The following TMC1 variants were observed in gnomAD, a reference collection of about 807,000 sequenced individuals.
The protein encoded by TMC1 is transmembrane channel-like protein 1.
Under a neutral mutation model 105.8 loss-of-function variants are expected in TMC1, and 84 were observed. That is an observed-to-expected ratio of 0.79 (90% CI 0.67 to 0.95). The LOEUF (loss-of-function observed/expected upper bound fraction) is 0.95. Ranked by LOEUF, TMC1 falls within the 40% of genes least tolerant of loss-of-function variation. TMC1 has a pLI of 0.00. For missense variants in TMC1, 817 were observed against 914.1 expected (o/e 0.89, Z 1.37); for synonymous variants, 315 against 311.5 (o/e 1.01, Z -0.12).
intron 5 of TMC1, among the ~76,000 whole-genome samples, chr9:72,650,899 TATAAATATATATAG>T (rs1434107684): frequency 5.6e-4 from 80 of 142,914 alleles, no homozygotes; most frequent in Non-Finnish European, 1.1e-3. Flanking sequence ...TAGATATATA[TATAAATATATATAG>T]ATATATATAT....
chr9:72,831,890 A>G (rs1564584691), intron 23 of TMC1, among the ~76,000 whole-genome samples: 1 of 152,088 alleles, frequency 6.6e-6, no homozygotes, highest in African/African-American at 2.4e-5. Flanking sequence ...TAGTGCCGCA[A>G]TAAACATACG....
rs1481066869 is a variant in TMC1 at position 72,792,229 on chromosome 9, T to G, written c.1443T>G (p.Leu481=). 2 of 1,614,146 alleles carry G rather than the reference T, an allele frequency of 1.2e-6. No homozygotes were observed. The highest frequency in any genetic ancestry group is 3.3e-5 in the Admixed American group (2 of 60,024). The change falls in exon 17 of 24, where the codon CTT becomes CTG. Residue 481 remains leucine, a synonymous_variant. Transcript: ENST00000297784. ...EEKLVKANIT[L]WEANMIKAYN... Reference sequence around the variant, plus strand: ...AGCTAGTAAAGGCCAATATTACCCTTTGGGAAGCCAATATGATCAAGGCCT... The same window carrying G: ...AGCTAGTAAAGGCCAATATTACCCTGTGGGAAGCCAATATGATCAAGGCCT...
In TMC1 at chr9:72,527,135, C is replaced by CT. The variant is rs1421604306; in HGVS notation, c.-428+5223dup. On this transcript the variant is annotated intron_variant, in intron 1 of 23. Transcript: ENST00000297784. Reference sequence around the variant, plus strand: ...TGGAAGAAGGCTAGCCTTGAGCCCTCTAAAAGGCAGGGCTCAGGGCAAAGC... The same window carrying CT: ...TGGAAGAAGGCTAGCCTTGAGCCCTCTTAAAAGGCAGGGCTCAGGGCAAAGC... Among the ~76,000 whole-genome samples the CT allele has an allele frequency of 2.0e-5, 3 of 152,306 alleles. No homozygotes were observed. The South Asian group carries it at 6.2e-4, about 32-fold the overall frequency.
At chr9:72,566,610 C>G (rs1824158909) in intron 1 of TMC1, among the ~76,000 whole-genome samples, 1 of 152,164 alleles carries the variant, frequency 6.6e-6, no homozygotes, top group Non-Finnish European at 1.5e-5. Flanking sequence ...AAAGGTGAAA[C>G]AGGCTGCAAA....
intron 10 of TMC1, among the ~76,000 whole-genome samples, chr9:72,746,819 A>T (rs1305867658): frequency 4.6e-5 from 7 of 152,188 alleles, no homozygotes; most frequent in Non-Finnish European, 1.0e-4. Flanking sequence ...CTGTGACGTT[A>T]TGCATCACTT....
rs1287951091 is a variant in TMC1 at position 72,820,844 on chromosome 9, T to C, written c.1766T>C (p.Met589Thr). ...ALIFNQGMIW[M>T]GSFFAPSLPG... ...GCAGAGTTCTGTTTTCTTTCTAGGA[T>C]GGGCTCCTTCTTTGCTCCCAGCCTC... is the stretch of plus-strand genomic sequence containing the variant. Residue 589 changes from methionine to threonine, a missense_variant and splice_region_variant, in exon 20 of 24, where the codon ATG becomes ACG. Met to Thr is a moderately conservative substitution (Grantham distance 81, BLOSUM62 -1). Transcript: ENST00000297784. 2 of 1,614,196 alleles carry C rather than the reference T, an allele frequency of 1.2e-6. No individual in the cohort carries two copies. The highest frequency in any genetic ancestry group is 1.7e-5 in the Admixed American group (1 of 60,032).
intron 18 of TMC1, among the ~76,000 whole-genome samples, chr9:72,812,659 G>A (rs771252571): frequency 7.9e-5 from 12 of 152,196 alleles, no homozygotes; most frequent in Admixed American, 1.3e-4. Flanking sequence ...GCTGACTCTC[G>A]TCTGAGGACC....
intron 5 of TMC1, chr9:72,656,164 G>T (rs1825881802): frequency 3.3e-6 from 2 of 598,994 alleles, no homozygotes; most frequent in Non-Finnish European, 6.4e-6. Flanking sequence ...CGGCTCCGTG[G>T]GTGTTTTTCC....
intron 18 of TMC1, among the ~76,000 whole-genome samples, chr9:72,815,759 G>C (rs1408124402): frequency 6.6e-6 from 1 of 152,088 alleles, no homozygotes; most frequent in Non-Finnish European, 1.5e-5. Flanking sequence ...CATCACATCA[G>C]ATAATTTTAT....
At chr9:72,832,321 A>G (rs1829054219) in intron 23 of TMC1, among the ~76,000 whole-genome samples, 1 of 152,170 alleles carries the variant, frequency 6.6e-6, no homozygotes, top group African/African-American at 2.4e-5. Flanking sequence ...GAATCTCTGA[A>G]GCTAAACTCC....
chr9:72,798,220 T>C (rs951365585), intron 17 of TMC1, among the ~76,000 whole-genome samples: 3 of 151,924 alleles, frequency 2.0e-5, no homozygotes, highest in African/African-American at 7.2e-5. Context: ...AAAAATAATA[T>C]GCTGGCAAGG....
chr9:72,718,818 C>A (rs1297424545), intron 8 of TMC1, among the ~76,000 whole-genome samples: 2 of 152,046 alleles, frequency 1.3e-5, no homozygotes, highest in Non-Finnish European at 2.9e-5. Context: ...TAGGGAAGGA[C>A]CATCAGGTGG....
chr9:72,642,761 ATAATTCAGATG>A (rs1189737618), intron 4 of TMC1, among the ~76,000 whole-genome samples: 1 of 152,248 alleles, frequency 6.6e-6, no homozygotes, highest in African/African-American at 2.4e-5. Flanking sequence ...TTGTTCAGAT[ATAATTCAGATG>A]TAATAAATAA....
At chr9:72,672,845 C>T (rs887715502) in intron 5 of TMC1, among the ~76,000 whole-genome samples, 2 of 150,938 alleles carry the variant, frequency 1.3e-5, no homozygotes, top group Non-Finnish European at 2.9e-5. Context: ...CACACACACA[C>T]ACACACACAC....
intron 1 of TMC1, among the ~76,000 whole-genome samples, chr9:72,561,124 A>T (rs1824039942): frequency 6.6e-6 from 1 of 151,848 alleles, no homozygotes; most frequent in Non-Finnish European, 1.5e-5. Context: ...GATTGAGACC[A>T]TCCTGGCTAA....
chr9:72,821,514 A>AG (rs1438017778), intron 20 of TMC1, among the ~76,000 whole-genome samples: 2 of 152,058 alleles, frequency 1.3e-5, no homozygotes, highest in East Asian at 1.9e-4. Context: ...AAAAAAAAAA[A>AG]AAAGAAAGAA....
At chr9:72,752,899 A>C (rs993332529) in intron 11 of TMC1, among the ~76,000 whole-genome samples, 7 of 152,200 alleles carry the variant, frequency 4.6e-5, no homozygotes, top group African/African-American at 1.7e-4. Flanking sequence ...TGAGCTTTTA[A>C]TAGTACAAAG....
chr9:72,588,161 A>C (rs1824583037), intron 2 of TMC1, among the ~76,000 whole-genome samples: 2 of 152,220 alleles, frequency 1.3e-5, no homozygotes, highest in African/African-American at 2.4e-5. Flanking sequence ...AATGACTATC[A>C]TGCTGATGGT....
intron 3 of TMC1, among the ~76,000 whole-genome samples, chr9:72,622,824 G>T (rs143056178): frequency 3.2e-3 from 486 of 152,170 alleles, no homozygotes; most frequent in Admixed American, 5.2e-3. Context: ...GCTGAGGTGG[G>T]CAGATCACCT....
Sources: gnomAD v4.1 joint callset for allele counts (sites outside exome capture counted in the v4.1 genomes callset) on GRCh38, gnomAD v4.1.1 for gene constraint, MANE v1.5 for transcripts, NCBI Gene and HGNC (gene_info 2026-07-23, HGNC 2026-07-21) for gene names.